Variants in SPATA17 observed in about 807,000 individuals in gnomAD.
The protein encoded by SPATA17 is spermatogenesis-associated protein 17.
In SPATA17, 53 loss-of-function variants were observed where a neutral mutation model predicts 62.2. The ratio of observed to expected loss-of-function variants is 0.85; its 90% CI spans 0.68 to 1.07. SPATA17 has a LOEUF of 1.07. Ranked by LOEUF, SPATA17 falls within the 50% of genes least tolerant of loss-of-function variation. The pLI, the probability that SPATA17 is intolerant of heterozygous loss-of-function variation, is 0.00. For synonymous variants in SPATA17, 146 were observed against 146.8 expected (o/e 0.99, Z 0.04); for missense variants, 466 against 425.5 (o/e 1.10, Z -0.84).
intron 8 of SPATA17, among the ~76,000 whole-genome samples, chr1:217,787,617 A>G (rs1391286730): frequency 2.0e-5 from 3 of 152,226 alleles, no homozygotes; most frequent in Admixed American, 2.0e-4. Flanking sequence ...TATTTATTGT[A>G]AAAACCTTAA....
At chr1:217,715,157 T>TAC (rs1425910165) in intron 5 of SPATA17, among the ~76,000 whole-genome samples, 1 of 152,108 alleles carries the variant, frequency 6.6e-6, no homozygotes, top group South Asian at 2.1e-4. Flanking sequence ...TCAAGATGTA[T>TAC]ACACACACAC....
intron 9 of SPATA17, among the ~76,000 whole-genome samples, chr1:217,856,878 A>T (rs1053844852): frequency 1.3e-5 from 2 of 152,162 alleles, no homozygotes; most frequent in Non-Finnish European, 2.9e-5. Flanking sequence ...GATCTTTTAA[A>T]CCTGCCTGTA....
At chr1:217,643,087 C>G (rs1358767723) in intron 1 of SPATA17, among the ~76,000 whole-genome samples, 1 of 152,162 alleles carries the variant, frequency 6.6e-6, no homozygotes, top group African/African-American at 2.4e-5. Flanking sequence ...ACTTATTTCT[C>G]TACCTATTGA....
intron 6 of SPATA17, among the ~76,000 whole-genome samples, chr1:217,749,751 A>G (rs1328836032): frequency 1.3e-5 from 2 of 151,572 alleles, no homozygotes; most frequent in South Asian, 2.1e-4. Flanking sequence ...TATTTCATTT[A>G]TCTTTGCAGT....
intron 8 of SPATA17, among the ~76,000 whole-genome samples, chr1:217,787,880 G>C (rs147092470): frequency 1.5e-3 from 228 of 152,174 alleles, no homozygotes; most frequent in African/African-American, 5.0e-3. Flanking sequence ...TATATATACT[G>C]TACTTCTTAT....
chr1:217,855,593 T>A (rs78205854), intron 9 of SPATA17, among the ~76,000 whole-genome samples: 3,185 of 152,230 alleles, frequency 0.021, 56 homozygotes, highest in Non-Finnish European at 0.027. Context: ...TGCCACTGAA[T>A]ACAATGAACT....
intron 4 of SPATA17, among the ~76,000 whole-genome samples, chr1:217,678,205 C>CTTTTTTT (rs974715757): frequency 2.9e-4 from 31 of 107,544 alleles, no homozygotes; most frequent in Non-Finnish European, 3.7e-4. Flanking sequence ...CTTTTCTTTT[C>CTTTTTTT]TTTTTTTTTT....
chr1:217,765,311 C>A (rs1449553736), intron 6 of SPATA17, among the ~76,000 whole-genome samples: 2 of 151,274 alleles, frequency 1.3e-5, no homozygotes, highest in South Asian at 4.2e-4. Flanking sequence ...TTCTGCTTGC[C>A]TTGGAATAAA....
chr1:217,648,844 A>G (rs749762920), intron 1 of SPATA17, 38 bp from the exon 2 acceptor site: 1 of 1,293,334 alleles, frequency 7.7e-7, no homozygotes, highest in Non-Finnish European at 1.1e-6. Context: ...GAATTATATT[A>G]GTTACTAATG....
intron 9 of SPATA17, among the ~76,000 whole-genome samples, chr1:217,821,455 G>C (rs1345822032): frequency 6.6e-6 from 1 of 152,098 alleles, no homozygotes; most frequent in Non-Finnish European, 1.5e-5. Context: ...AAATGGTGCT[G>C]TGAAGTCAAA....
intron 1 of SPATA17, among the ~76,000 whole-genome samples, chr1:217,647,361 G>A (rs1217941079): frequency 6.6e-6 from 1 of 152,132 alleles, no homozygotes; most frequent in Non-Finnish European, 1.5e-5. Flanking sequence ...TTTCTCACCG[G>A]GATGGAATAT....
At chr1:217,757,928 C>T (rs983568377) in intron 6 of SPATA17, among the ~76,000 whole-genome samples, 1 of 152,122 alleles carries the variant, frequency 6.6e-6, no homozygotes, top group Non-Finnish European at 1.5e-5. Flanking sequence ...TGTTTGAATA[C>T]CTCAATATTC....
intron 6 of SPATA17, among the ~76,000 whole-genome samples, chr1:217,769,432 C>T (rs1558043008): frequency 2.0e-5 from 3 of 152,192 alleles, no homozygotes; most frequent in Non-Finnish European, 4.4e-5. Flanking sequence ...CTCTTATCTG[C>T]ACCCCTGAGG....
At chr1:217,697,196 G>T (rs1482007924) in intron 5 of SPATA17, among the ~76,000 whole-genome samples, 2 of 152,156 alleles carry the variant, frequency 1.3e-5, no homozygotes, top group African/African-American at 2.4e-5. Context: ...GTAGAGGCTG[G>T]TGTTGAACTC....
chr1:217,725,779 A>C (rs1672245983), intron 5 of SPATA17, among the ~76,000 whole-genome samples: 1 of 152,130 alleles, frequency 6.6e-6, no homozygotes. Context: ...TATGTTTTTA[A>C]ATAGTTTAAA....
At chr1:217,632,599 C>T (rs1380502658) in intron 1 of SPATA17, among the ~76,000 whole-genome samples, 1 of 152,098 alleles carries the variant, frequency 6.6e-6, no homozygotes, top group African/African-American at 2.4e-5. Flanking sequence ...TATCTATCTC[C>T]CCTCTTAAAC....
At chr1:217,673,572 G>A (rs1046593434) in intron 4 of SPATA17, among the ~76,000 whole-genome samples, 1 of 152,086 alleles carries the variant, frequency 6.6e-6, no homozygotes, top group African/African-American at 2.4e-5. Flanking sequence ...TTGAACAGCT[G>A]TTAATATCTT....
At chr1:217,710,094 T>C (rs1671822859) in intron 5 of SPATA17, among the ~76,000 whole-genome samples, 1 of 152,166 alleles carries the variant, frequency 6.6e-6, no homozygotes. Context: ...TATCTGCTCT[T>C]TTGCTAATAG....
At chr1:217,698,558 T>C (rs1341517566) in intron 5 of SPATA17, among the ~76,000 whole-genome samples, 2 of 148,412 alleles carry the variant, frequency 1.3e-5, no homozygotes, top group Non-Finnish European at 1.5e-5. Flanking sequence ...TTTGAGACAA[T>C]TGTAAATTCA....
Sources: allele counts gnomAD v4.1 joint callset (sites outside exome capture counted in the v4.1 genomes callset), GRCh38; gene constraint gnomAD v4.1.1; transcripts MANE v1.5; gene names NCBI Gene and HGNC (gene_info 2026-07-23, HGNC 2026-07-21).